Variants in ZNF385D observed in about 807,000 individuals in gnomAD.
The protein encoded by ZNF385D is zinc finger protein 385D, also known as zinc finger protein 659.
ZNF385D carries 15 observed loss-of-function variants against 35.8 expected under a neutral mutation model. The ratio of observed to expected loss-of-function variants is 0.42; its 90% confidence interval spans 0.28 to 0.64. ZNF385D has a LOEUF of 0.64. Ranked by LOEUF, ZNF385D falls within the 30% of genes least tolerant of loss-of-function variation. The probability of loss-of-function intolerance (pLI) is 0.23; values close to 1 mark genes in which losing one functional copy is unlikely to be tolerated. For synonymous variants in ZNF385D, 212 were observed against 186.8 expected (o/e 1.13, Z -1.10); for missense variants, 474 against 494.6 (o/e 0.96, Z 0.39).
chr3:22,195,502 G>A (rs1367244112), intron 2 of ZNF385D, among the ~76,000 whole-genome samples: 1 of 151,742 alleles, frequency 6.6e-6, no homozygotes. Context: ...ACTTTTTCCT[G>A]ATCCAGTTCA....
At chr3:22,336,536 G>C (rs1695167406) in intron 2 of ZNF385D, among the ~76,000 whole-genome samples, 1 of 151,952 alleles carries the variant, frequency 6.6e-6, no homozygotes, top group Non-Finnish European at 1.5e-5. Flanking sequence ...AGTTAAGCTG[G>C]TGACCTACAG....
intron 3 of ZNF385D, among the ~76,000 whole-genome samples, chr3:21,952,820 T>C (rs936634972): frequency 6.6e-6 from 1 of 151,964 alleles, no homozygotes; most frequent in Non-Finnish European, 1.5e-5. Context: ...AAACTAAACA[T>C]TTCCATTGCC....
At chr3:22,014,378 T>C (rs1669397681) in intron 3 of ZNF385D, among the ~76,000 whole-genome samples, 2 of 152,134 alleles carry the variant, frequency 1.3e-5, no homozygotes, top group African/African-American at 2.4e-5. Context: ...GCCTAGACAG[T>C]GAAATCTCGA....
chr3:22,099,884 A>G (rs1041246934), intron 3 of ZNF385D, among the ~76,000 whole-genome samples: 3 of 149,346 alleles, frequency 2.0e-5, no homozygotes, highest in Admixed American at 6.8e-5. Flanking sequence ...ATATTAGGCC[A>G]AAGAACTGAG....
chr3:21,921,797 T>G (rs2125223723), intron 3 of ZNF385D, among the ~76,000 whole-genome samples: 1 of 151,200 alleles, frequency 6.6e-6, no homozygotes, highest in South Asian at 2.1e-4. Flanking sequence ...AAGAAGAATT[T>G]GAAACCCTGA....
chr3:22,072,364 T>A (rs1700269275), intron 3 of ZNF385D, among the ~76,000 whole-genome samples: 1 of 152,062 alleles, frequency 6.6e-6, no homozygotes, highest in South Asian at 2.1e-4. Flanking sequence ...GTAACCATAT[T>A]ATTAAACTAC....
chr3:21,423,828 T>C (rs1700857790), intron 7 of ZNF385D, 135 bp downstream of exon 7: 16 of 742,200 alleles, frequency 2.2e-5, no homozygotes, highest in Non-Finnish European at 2.8e-5. Flanking sequence ...CTATGATCTA[T>C]GATAAATCTG....
intron 2 of ZNF385D, among the ~76,000 whole-genome samples, chr3:22,359,175 A>G (rs1696298889): frequency 6.6e-6 from 1 of 151,890 alleles, no homozygotes; most frequent in African/African-American, 2.4e-5. Flanking sequence ...CCAATGTTGA[A>G]TAACATCTCA....
intron 3 of ZNF385D, among the ~76,000 whole-genome samples, chr3:21,911,211 C>G (rs1006691884): frequency 6.6e-6 from 1 of 151,868 alleles, no homozygotes; most frequent in Non-Finnish European, 1.5e-5. Context: ...CAAGTAATTG[C>G]TACCTTGAAA....
At chr3:22,220,595 G>A (rs1426111429) in intron 2 of ZNF385D, among the ~76,000 whole-genome samples, 2 of 152,132 alleles carry the variant, frequency 1.3e-5, no homozygotes, top group Non-Finnish European at 2.9e-5. Flanking sequence ...CACAAGTCAT[G>A]TAAATTTACT....
At chr3:21,840,676 A>T (rs759803534) in intron 3 of ZNF385D, among the ~76,000 whole-genome samples, 2 of 152,068 alleles carry the variant, frequency 1.3e-5, no homozygotes, top group Non-Finnish European at 2.9e-5. Flanking sequence ...GACACTCTTC[A>T]GTATTTGGTG....
At chr3:21,618,796 C>T in intron 2 of ZNF385D, among the ~76,000 whole-genome samples, 1 of 152,082 alleles carries the variant, frequency 6.6e-6, no homozygotes, top group East Asian at 1.9e-4. Context: ...AACTTACCTG[C>T]CCACCAAACT....
intron 3 of ZNF385D, among the ~76,000 whole-genome samples, chr3:22,094,664 G>C (rs959733824): frequency 1.3e-5 from 2 of 151,908 alleles, no homozygotes; most frequent in Non-Finnish European, 2.9e-5. Flanking sequence ...GCCCAGAGAG[G>C]AGCCCTGGGC....
intron 2 of ZNF385D, among the ~76,000 whole-genome samples, chr3:22,228,301 A>C (rs889416991): frequency 1.3e-5 from 2 of 152,176 alleles, no homozygotes; most frequent in Non-Finnish European, 2.9e-5. Flanking sequence ...GGCAGTGGCC[A>C]TAGCACTGCC....
chr3:22,097,787 T>G (rs907020901), intron 3 of ZNF385D, among the ~76,000 whole-genome samples: 2 of 152,014 alleles, frequency 1.3e-5, no homozygotes, highest in African/African-American at 4.8e-5. Context: ...ATAAAAACTA[T>G]GGGCACTAGG....
intron 2 of ZNF385D, among the ~76,000 whole-genome samples, chr3:21,628,545 G>C (rs1035121588): frequency 6.6e-6 from 1 of 152,034 alleles, no homozygotes; most frequent in African/African-American, 2.4e-5. Context: ...AAAGGTAGTC[G>C]CTTAATGTCT....
At chr3:21,718,141 G>A (rs753686841) in intron 1 of ZNF385D, among the ~76,000 whole-genome samples, 5 of 152,188 alleles carry the variant, frequency 3.3e-5, no homozygotes, top group Non-Finnish European at 5.9e-5. Context: ...CTTGGCATAT[G>A]TCTCCCACAA....
intron 3 of ZNF385D, among the ~76,000 whole-genome samples, chr3:21,769,981 T>TG (rs1361507555): frequency 3.9e-5 from 6 of 152,120 alleles, no homozygotes; most frequent in African/African-American, 1.4e-4. Context: ...AAACAAGCAA[T>TG]GGGGAACGGA....
At chr3:21,841,858 CTTT>C (rs200928644) in intron 3 of ZNF385D, among the ~76,000 whole-genome samples, 4 of 151,450 alleles carry the variant, frequency 2.6e-5, no homozygotes, top group Non-Finnish European at 5.9e-5. Flanking sequence ...TGCCTTTATA[CTTT>C]TTTTGTTTCT....
Sources: allele counts gnomAD v4.1 joint callset (sites outside exome capture counted in the v4.1 genomes callset), GRCh38; gene constraint gnomAD v4.1.1; transcripts MANE v1.5; gene names NCBI Gene and HGNC (gene_info 2026-07-23, HGNC 2026-07-21).